Variants in TP53INP1 observed in about 807,000 individuals in gnomAD.
TP53INP1 encodes the protein tumor protein p53-inducible nuclear protein 1.
TP53INP1 carries 12 observed loss-of-function variants against 21.0 expected under a neutral mutation model. That is an observed-to-expected ratio of 0.57 (90% CI 0.37 to 0.93). The LOEUF (loss-of-function observed/expected upper bound fraction) is 0.93, where lower values mean the gene tolerates loss of function less well. Among genes scored for constraint, TP53INP1 ranks in the 40% least tolerant of loss-of-function variants. The probability of loss-of-function intolerance (pLI) is 0.01; values close to 1 mark genes in which losing one functional copy is unlikely to be tolerated. For missense variants in TP53INP1, 274 were observed against 294.7 expected, an observed-to-expected ratio of 0.93 and a Z score of 0.51; for synonymous variants, 91 against 94.8, an observed-to-expected ratio of 0.96 and a Z score of 0.23.
At chr8:94,938,184 A>G (rs2131355396) in intron 3 of TP53INP1, among the ~76,000 whole-genome samples, 1 of 152,308 alleles carries the variant, frequency 6.6e-6, no homozygotes, top group Middle Eastern at 3.4e-3. Flanking sequence ...GCTTTTGGAA[A>G]CCAACAAGAT....
intron 3 of TP53INP1, 98 bp from the exon 4 acceptor site, chr8:94,930,826 T>C (rs1820323342): frequency 7.5e-7 from 1 of 1,331,834 alleles, no homozygotes; most frequent in Non-Finnish European, 1.0e-6. Flanking sequence ...CGCTAATTTG[T>C]TTATGGCTGA....
At position 94,940,017 on chromosome 8, in the gene TP53INP1, C is replaced by T. The variant is rs749132682; in HGVS notation, c.316G>A (p.Ala106Thr). 4 of 1,614,170 alleles carry T rather than the reference C, an allele frequency of 2.5e-6. No homozygotes were observed. Among genetic ancestry groups the T allele is most frequent in the South Asian group, 2.2e-5 (2 of 91,082 alleles). ...ACCTTGATAGTGGTTAATCCACCTG[C>T]AGTAAAACATGGGGGTGGGGTGATA... ...WFITPPPCFT[A>T]GGLTTIKVET... The change falls in exon 3 of 4, where the codon GCA becomes ACA. Residue 106 changes from alanine to threonine, a missense_variant. Ala to Thr is a moderately conservative substitution (Grantham distance 58). Coordinates refer to ENST00000342697, the MANE Select transcript of TP53INP1 (RefSeq NM_033285.4).
rs1193496121 is a variant in TP53INP1, at chr8:94,929,182, C to T, written c.*1297G>A. The stretch of plus-strand genomic sequence containing the variant: ...CAGAGAAAGTGCCACGGCCCCACCC[C>T]ATCACCAGATTCAGTAGAAAGGCCC... On this transcript the variant is annotated 3_prime_UTR_variant, in exon 4 of 4. Transcript: ENST00000342697. The T allele has an allele frequency of 6.6e-6, 1 of 152,572 alleles. No individual in the cohort carries two copies. Among genetic ancestry groups the T allele is most frequent in the Non-Finnish European group, 1.5e-5 (1 of 68,158 alleles). The allele number at this position is 152,572 out of a possible 1,614,324, so 9.5% of individuals were successfully genotyped here. A position where few individuals can be genotyped will look rare whatever the true frequency, so the allele number is the denominator to read the frequency against.
At chr8:94,932,233 C>A in intron 3 of TP53INP1, 1 of 944,810 alleles carries the variant, frequency 1.1e-6, no homozygotes, top group Admixed American at 2.1e-5. Flanking sequence ...AAGGCACGTA[C>A]ATGTGCTTAA....
In TP53INP1 at chr8:94,940,141, T is replaced by A. The variant is rs1268359965; in HGVS notation, c.192A>T (p.Ser64=). Residue 64 remains serine, a synonymous_variant, in exon 3 of 4, where the codon TCA becomes TCT. Transcript: ENST00000342697. Reference sequence around the variant, plus strand: ...GAGATGCCGGTAAACAGGAAAAGACTGAAGGGTGCTCAGTAGGTGACTCTT... The same window carrying A: ...GAGATGCCGGTAAACAGGAAAAGACAGAAGGGTGCTCAGTAGGTGACTCTT... ...ISEESPTEHP[S]VFSCLPASLE... 6.2e-7 allele frequency: 1 copy of A among 1,614,180 alleles called. No individual in the cohort carries two copies.
At chr8:94,948,557 G>A (rs1822222767) in intron 1 of TP53INP1, among the ~76,000 whole-genome samples, 1 of 152,168 alleles carries the variant, frequency 6.6e-6, no homozygotes, top group Non-Finnish European at 1.5e-5. Flanking sequence ...CCGGGTCACG[G>A]AGCAGGTTCC....
At chr8:94,931,605 C>T (rs199966589) in intron 3 of TP53INP1, among the ~76,000 whole-genome samples, 33 of 149,066 alleles carry the variant, frequency 2.2e-4, no homozygotes, top group East Asian at 5.8e-4. Flanking sequence ...CACACACACA[C>T]ACACATAAAA....
chr8:94,930,610 G>T lies in TP53INP1; in HGVS notation c.592C>A (p.His198Asn), dbSNP rs748615146. 4 of 1,614,202 alleles carry T rather than the reference G, an allele frequency of 2.5e-6. No homozygotes were observed. The highest frequency in any genetic ancestry group is 3.4e-6 in the Non-Finnish European group (4 of 1,180,036). ...CTGTTAAGAGGCTGTCTTTCACTGT[G>T]TTCTTTTATCCACTGGGAAGGGCGA... ...SFRPSQWIKE[H>N]SERQPLNRNS... Residue 198 changes from histidine (H) to asparagine (N), a missense_variant, in exon 4 of 4, where the codon CAC becomes AAC. His to Asn is a moderately conservative substitution (Grantham distance 68). Transcript: ENST00000342697.
In TP53INP1 at chr8:94,939,970, G is replaced by A. The variant is rs766670766; in HGVS notation, c.363C>T (p.Asn121=). The change falls in exon 3 of 4, where the codon AAC becomes AAT. Residue 121 remains asparagine, a synonymous_variant. Transcript: ENST00000342697. ...TIKVETSPME[N]LLIEHPSMSV... is the part of the protein sequence containing the mutation. ...ACATGCTGGGATGTTCAATGAGAAG[G>A]TTTTCCATAGGACTTGTTTCCACCT... 2 of 1,614,142 alleles carry A rather than the reference G, an allele frequency of 1.2e-6. No individual in the cohort carries two copies. Among genetic ancestry groups the A allele is most frequent in the Admixed American group, 1.7e-5 (1 of 60,012 alleles).
rs1042634444 is a variant in TP53INP1 at position 94,930,865 on chromosome 8, A to C, written c.474-137T>G. The C allele has an allele frequency of 3.1e-5, 32 of 1,045,278 alleles. No individual in the cohort carries two copies. The East Asian group carries it at 8.0e-4, about 26-fold the overall frequency. The allele number at this position is 1,045,278 out of a possible 1,614,324, so 64.8% of individuals were successfully genotyped here. A position where few individuals can be genotyped will look rare whatever the true frequency, so the allele number is the denominator to read the frequency against. On this transcript the variant is annotated intron_variant, in intron 3 of 3. Transcript: ENST00000342697. ...AGAGCTTGTGTTTCATGGCTGACAGACAAGTTTATTATTCTGTGACCCCAC... is the reference window on the plus strand; with the variant it reads ...AGAGCTTGTGTTTCATGGCTGACAGCCAAGTTTATTATTCTGTGACCCCAC...
chr8:94,946,875 G>A (rs1004556481), intron 1 of TP53INP1, among the ~76,000 whole-genome samples: 1 of 152,002 alleles, frequency 6.6e-6, no homozygotes, highest in Non-Finnish European at 1.5e-5. Context: ...AGGATTAAGT[G>A]TATACTACTT....
chr8:94,941,150 TACATAC>T lies in TP53INP1; in HGVS notation c.-150-65_-150-60del. 5 of 532,708 alleles carry T rather than the reference TACATAC, an allele frequency of 9.4e-6. No individual in the cohort carries two copies. The Middle Eastern group carries it at 1.6e-3, about 171-fold the overall frequency. 33.0% of individuals were successfully genotyped at this position (532,708 alleles called of 1,614,324 possible). ...ATCAGCATGCACATATATACATAAGTACATACACATACACACATACCCTTAGAAGAA... is the reference window on the plus strand; with the variant it reads ...ATCAGCATGCACATATATACATAAGTACATACACACATACCCTTAGAAGAA... On this transcript the variant is annotated intron_variant, in intron 1 of 3. Transcript: ENST00000342697.
chr8:94,927,431 G>A lies in TP53INP1; in HGVS notation c.*3048C>T, dbSNP rs1044565505. The A allele has an allele frequency of 6.6e-6, 1 of 152,158 alleles. No individual in the cohort carries two copies. Among genetic ancestry groups the A allele is most frequent in the Non-Finnish European group, 1.5e-5 (1 of 68,022 alleles). 9.4% of individuals were successfully genotyped at this position (152,158 alleles called of 1,614,324 possible). ...TCTCACTCAAAGTACTGATACAACA[G>A]AGAAGGTATGTAAACAGGAACAGTT... On this transcript the variant is annotated 3_prime_UTR_variant, in exon 4 of 4. Transcript: ENST00000342697.
intron 3 of TP53INP1, among the ~76,000 whole-genome samples, chr8:94,935,535 A>T (rs1820895797): frequency 6.6e-6 from 1 of 152,256 alleles, no homozygotes; most frequent in Admixed American, 6.5e-5. Context: ...GGCAATAGAC[A>T]GATTGATTAA....
At chr8:94,942,207 C>CT (rs921262568) in intron 1 of TP53INP1, among the ~76,000 whole-genome samples, 18 of 148,774 alleles carry the variant, frequency 1.2e-4, no homozygotes, top group East Asian at 2.0e-4. Flanking sequence ...CGGCTAATTT[C>CT]TTTTTTTTTT....
chr8:94,934,170 G>A (rs1053265167), intron 3 of TP53INP1, among the ~76,000 whole-genome samples: 1 of 151,122 alleles, frequency 6.6e-6, no homozygotes, highest in Non-Finnish European at 1.5e-5. Context: ...ACACAATCTG[G>A]AAGGATATAC....
Position 94,930,405 on chromosome 8 carries a change from T to A in TP53INP1, c.*74A>T. On this transcript the variant is annotated 3_prime_UTR_variant, in exon 4 of 4. Transcript: ENST00000342697. Reference sequence around the variant, plus strand: ...CAATTGGTTGTAAAGAGACAACATTTTCACTGTACATATACACACATCCAT... The same window carrying A: ...CAATTGGTTGTAAAGAGACAACATTATCACTGTACATATACACACATCCAT... 1 of 1,563,740 alleles carries A rather than the reference T, an allele frequency of 6.4e-7. No individual in the cohort carries two copies. The highest frequency in any genetic ancestry group is 8.7e-7 in the Non-Finnish European group (1 of 1,150,356).
intron 3 of TP53INP1, among the ~76,000 whole-genome samples, chr8:94,934,723 A>T (rs1015550231): frequency 5.3e-5 from 8 of 152,132 alleles, no homozygotes; most frequent in Non-Finnish European, 1.2e-4. Context: ...GTAAAATCAT[A>T]ATCAGAAGGG....
intron 1 of TP53INP1, among the ~76,000 whole-genome samples, 167 bp downstream of exon 1, chr8:94,948,987 C>G (rs1183005674): frequency 6.7e-6 from 1 of 150,054 alleles, no homozygotes; most frequent in East Asian, 2.0e-4. Flanking sequence ...CCGGGCCCGG[C>G]GGCGGCGAGG....
Sources: allele counts gnomAD v4.1 joint callset (sites outside exome capture counted in the v4.1 genomes callset), GRCh38; gene constraint gnomAD v4.1.1; transcripts MANE v1.5; gene names NCBI Gene and HGNC (gene_info 2026-07-23, HGNC 2026-07-21).